Variants in RABGAP1L observed in about 807,000 individuals in gnomAD.
RABGAP1L encodes RAB GTPase activating protein 1 like, also known as rab GTPase-activating protein 1-like.
RABGAP1L carries 63 observed loss-of-function variants against 137.7 expected under a neutral mutation model. The observed-to-expected ratio is 0.46, with a 90% CI of 0.37 to 0.56. The LOEUF (loss-of-function observed/expected upper bound fraction) is 0.56, where lower values mean the gene tolerates loss of function less well. Ranked by LOEUF, RABGAP1L falls within the 20% of genes least tolerant of loss-of-function variation. RABGAP1L has a pLI of 0.00. For missense variants in RABGAP1L, 1,095 were observed against 1,244.0 expected (o/e 0.88, Z 1.80); for synonymous variants, 431 against 433.7 (o/e 0.99, Z 0.08).
chr1:174,306,478 C>T (rs955439348), intron 11 of RABGAP1L, among the ~76,000 whole-genome samples: 20 of 152,248 alleles, frequency 1.3e-4, no homozygotes, highest in South Asian at 2.1e-4. Context: ...GAGATGGTAT[C>T]TCATTGTGGT....
At chr1:174,288,676 T>TCC (rs1378323010) in intron 10 of RABGAP1L, among the ~76,000 whole-genome samples, 18 of 152,200 alleles carry the variant, frequency 1.2e-4, no homozygotes, top group African/African-American at 3.9e-4. Flanking sequence ...TTATACTATG[T>TCC]CCTGGTGTAG....
At chr1:174,343,397 C>T (rs534798961) in intron 11 of RABGAP1L, among the ~76,000 whole-genome samples, 1 of 152,280 alleles carries the variant, frequency 6.6e-6, no homozygotes, top group East Asian at 1.9e-4. Flanking sequence ...TATGCCCTTT[C>T]CTATTGTGTA....
At chr1:174,938,786 ACTC>A (rs1665329569) in intron 19 of RABGAP1L, among the ~76,000 whole-genome samples, 1 of 152,086 alleles carries the variant, frequency 6.6e-6, no homozygotes, top group Non-Finnish European at 1.5e-5. Context: ...AGGTCTTTCA[ACTC>A]CTGTTCCCCT....
chr1:174,334,037 A>G (rs1258621358), intron 11 of RABGAP1L, among the ~76,000 whole-genome samples: 2 of 152,198 alleles, frequency 1.3e-5, no homozygotes. Context: ...CACACTCAGG[A>G]GAAACCAGAG....
At chr1:174,468,121 G>C (rs1157412186) in intron 13 of RABGAP1L, among the ~76,000 whole-genome samples, 1 of 152,072 alleles carries the variant, frequency 6.6e-6, no homozygotes, top group East Asian at 1.9e-4. Flanking sequence ...TGAGACTTAA[G>C]ATAAATTATT....
intron 4 of RABGAP1L, among the ~76,000 whole-genome samples, chr1:174,234,221 G>T: frequency 1.0e-5 from 1 of 99,794 alleles, no homozygotes; most frequent in East Asian, 2.8e-4. Flanking sequence ...TAGGTTGCCT[G>T]TTCACTCTGA....
chr1:174,219,093 G>T, intron 1 of RABGAP1L, 32 bp from the exon 2 acceptor site: 1 of 1,119,392 alleles, frequency 8.9e-7, no homozygotes, highest in Non-Finnish European at 1.2e-6. Context: ...TAATCAGTAG[G>T]TTTTTTTTTT....
chr1:174,730,609 C>G (rs1228531063), intron 17 of RABGAP1L, among the ~76,000 whole-genome samples: 1 of 152,108 alleles, frequency 6.6e-6, no homozygotes, highest in East Asian at 1.9e-4. Flanking sequence ...TTCCCCGAAA[C>G]TGGTTAATTA....
intron 20 of RABGAP1L, among the ~76,000 whole-genome samples, chr1:174,962,351 T>A (rs942595683): frequency 3.3e-5 from 5 of 152,156 alleles, no homozygotes; most frequent in Non-Finnish European, 4.4e-5. Context: ...TATAAATACA[T>A]AATTTCTAAT....
At chr1:174,947,042 C>G (rs1666997445) in intron 19 of RABGAP1L, among the ~76,000 whole-genome samples, 1 of 142,020 alleles carries the variant, frequency 7.0e-6, no homozygotes, top group Non-Finnish European at 1.5e-5. Context: ...CTGCAGCATG[C>G]ATTTTGTGCT....
At chr1:174,923,751 C>T (rs1010856914) in intron 19 of RABGAP1L, among the ~76,000 whole-genome samples, 12 of 151,810 alleles carry the variant, frequency 7.9e-5, no homozygotes, top group Non-Finnish European at 1.8e-4. Flanking sequence ...TGTGGTGGCA[C>T]GTGCCTGTAA....
At chr1:174,895,552 C>T (rs929428505) in intron 19 of RABGAP1L, among the ~76,000 whole-genome samples, 22 of 151,430 alleles carry the variant, frequency 1.5e-4, no homozygotes, top group African/African-American at 4.1e-4. Flanking sequence ...ATTAACTTGT[C>T]GTTTACATTA....
At chr1:174,441,724 A>G (rs538464012) in intron 13 of RABGAP1L, among the ~76,000 whole-genome samples, 7 of 152,182 alleles carry the variant, frequency 4.6e-5, no homozygotes, top group Non-Finnish European at 7.4e-5. Context: ...ACAAGATCGA[A>G]ACTCTGTCTC....
intron 1 of RABGAP1L, among the ~76,000 whole-genome samples, chr1:174,206,741 C>T (rs6686659): frequency 0.014 from 2,063 of 152,172 alleles, 47 homozygotes; most frequent in African/African-American, 0.046. Flanking sequence ...GAATATGTTA[C>T]GTTATTTTGG....
intron 13 of RABGAP1L, among the ~76,000 whole-genome samples, chr1:174,476,409 C>T: frequency 6.6e-6 from 1 of 152,094 alleles, no homozygotes; most frequent in East Asian, 1.9e-4. Flanking sequence ...AACTTTTACA[C>T]TATAATTTCA....
chr1:174,443,718 C>A (rs1654414292), intron 13 of RABGAP1L, among the ~76,000 whole-genome samples: 1 of 151,870 alleles, frequency 6.6e-6, no homozygotes, highest in African/African-American at 2.4e-5. Context: ...TGTTTTGTTG[C>A]CTGTGCTTTT....
At chr1:174,737,304 T>A (rs1456644990) in intron 17 of RABGAP1L, among the ~76,000 whole-genome samples, 1 of 152,188 alleles carries the variant, frequency 6.6e-6, no homozygotes, top group African/African-American at 2.4e-5. Context: ...CCAGATACCC[T>A]GTTATCATTA....
intron 14 of RABGAP1L, among the ~76,000 whole-genome samples, chr1:174,674,324 T>A (rs571424623): frequency 1.4e-4 from 21 of 148,030 alleles, no homozygotes; most frequent in Non-Finnish European, 3.0e-4. Context: ...CATCTATGAG[T>A]GGAACATGTG....
At chr1:174,581,598 T>C (rs1668750550) in intron 13 of RABGAP1L, among the ~76,000 whole-genome samples, 1 of 152,212 alleles carries the variant, frequency 6.6e-6, no homozygotes, top group Non-Finnish European at 1.5e-5. Context: ...TTTGGAGGTA[T>C]GAAAATGTTT....
Sources: allele counts gnomAD v4.1 joint callset (sites outside exome capture counted in the v4.1 genomes callset), GRCh38; gene constraint gnomAD v4.1.1; transcripts MANE v1.5; gene names NCBI Gene and HGNC (gene_info 2026-07-23, HGNC 2026-07-21).